The following ZMYM6 variants were observed in gnomAD, a reference collection of about 807,000 sequenced individuals.
ZMYM6 encodes zinc finger MYM-type containing 6.
Under a neutral mutation model 134.0 loss-of-function variants are expected in ZMYM6, and 90 were observed. The ratio of observed to expected loss-of-function variants is 0.67; its 90% CI spans 0.57 to 0.80. ZMYM6 has a LOEUF of 0.80. ZMYM6 is among the 30% of genes least tolerant of loss of function. ZMYM6 has a pLI of 0.00. For missense variants in ZMYM6, 1,362 were observed against 1,533.9 expected (o/e 0.89, Z 1.87); for synonymous variants, 481 against 524.1 (o/e 0.92, Z 1.12).
chr1:35,014,079 T>C (rs1641139806), intron 6 of ZMYM6, among the ~76,000 whole-genome samples: 1 of 152,250 alleles, frequency 6.6e-6, no homozygotes, highest in African/African-American at 2.4e-5. Flanking sequence ...GTAACCGGCT[T>C]AATCCATTAT....
chr1:34,996,512 C>T (rs1640787022), intron 14 of ZMYM6, among the ~76,000 whole-genome samples: 1 of 152,106 alleles, frequency 6.6e-6, no homozygotes. Context: ...TAGAGGCAAC[C>T]ACTATTACCC....
chr1:35,013,278 A>G, intron 6 of ZMYM6: 1 of 825,186 alleles, frequency 1.2e-6, no homozygotes, highest in East Asian at 1.2e-4. Flanking sequence ...AGATGAGCAG[A>G]AGAAGTAGGA....
Position 35,018,989 on chromosome 1 carries a change from T to C in ZMYM6, c.428+364A>G, listed in dbSNP as rs1641255319. 1.6e-5 allele frequency: 5 copies of C among 315,822 alleles called. No individual in the cohort carries two copies. In the South Asian group the frequency reaches 4.6e-4, roughly 29 times the overall value. 19.6% of individuals were successfully genotyped at this position (315,822 alleles called of 1,614,324 possible). A position where few individuals can be genotyped will look rare whatever the true frequency, so the allele number is the denominator to read the frequency against. ...TTTTTAAAGAATTAAATAGCTTTTG[T>C]ATACTATTAAAAGAGTGATATTATT... is the stretch of plus-strand genomic sequence containing the variant. On this transcript the variant is annotated intron_variant, in intron 4 of 15. Transcript: ENST00000357182.
chr1:35,020,536 GC>G, intron 2 of ZMYM6, 69 bp from the exon 3 acceptor site: 1 of 714,978 alleles, frequency 1.4e-6, no homozygotes, highest in Non-Finnish European at 2.1e-6. Flanking sequence ...AGAAATTCAA[GC>G]AAAAAAAAAT....
At chr1:35,024,693 C>T (rs191359851) in intron 2 of ZMYM6, among the ~76,000 whole-genome samples, 3 of 152,230 alleles carry the variant, frequency 2.0e-5, no homozygotes, top group South Asian at 4.1e-4. Flanking sequence ...CCCTCCATGA[C>T]GTGGCTATTT....
rs1462456352 is a variant in ZMYM6, at chr1:35,009,288, G to T, written c.1493-364C>A. Among the ~76,000 whole-genome samples, 3 of 152,242 alleles carry T rather than the reference G, an allele frequency of 2.0e-5. No homozygotes were observed. In the South Asian group the frequency reaches 6.2e-4, roughly 32 times the overall value. Reference sequence around the variant, plus strand: ...CCAGCTAATTTTTGTATTTTTAGTAGAGATGGCATTTCGCCATGTTGGCCA... The same window carrying T: ...CCAGCTAATTTTTGTATTTTTAGTATAGATGGCATTTCGCCATGTTGGCCA... On this transcript the variant is annotated intron_variant, in intron 10 of 15. Transcript: ENST00000357182.
intron 6 of ZMYM6, among the ~76,000 whole-genome samples, chr1:35,014,373 C>A (rs1054779911): frequency 6.6e-6 from 1 of 152,078 alleles, no homozygotes; most frequent in Non-Finnish European, 1.5e-5. Context: ...GAGGCTGAGG[C>A]GAGTGGATGG....
In ZMYM6 at chr1:34,992,407, G is replaced by C. The variant is rs1039246951; in HGVS notation, c.1993-20C>G. The C allele has an allele frequency of 7.5e-6, 12 of 1,604,414 alleles. No individual in the cohort carries two copies. Among genetic ancestry groups the C allele is most frequent in the Admixed American group, 1.8e-5 (1 of 56,352 alleles). The stretch of plus-strand genomic sequence containing the variant: ...ACTTTCCTAGTTAAAAGCAAATTCA[G>C]AAACCAAAGAAAGATTTTTTTTAGT... On this transcript the variant is annotated intron_variant, in intron 14 of 15. Coordinates refer to ENST00000357182, the MANE Select transcript of ZMYM6 (RefSeq NM_007167.4).
At chr1:35,028,445 C>T (rs1485122689) in intron 2 of ZMYM6, among the ~76,000 whole-genome samples, 1 of 152,058 alleles carries the variant, frequency 6.6e-6, no homozygotes, top group Non-Finnish European at 1.5e-5. Flanking sequence ...AGCGAAAGAA[C>T]TGTCCCAGAA....
At chr1:35,000,799 C>T (rs1640867355) in intron 14 of ZMYM6, among the ~76,000 whole-genome samples, 3 of 151,968 alleles carry the variant, frequency 2.0e-5, no homozygotes, top group Non-Finnish European at 4.4e-5. Context: ...AAAAGGGAGA[C>T]TAACTGGTAG....
At position 35,009,932 on chromosome 1, in the gene ZMYM6, T is replaced by C. The variant is rs201001360; in HGVS notation, c.1492+515A>G. Among the ~76,000 whole-genome samples, 25 of 152,000 alleles carry C rather than the reference T, an allele frequency of 1.6e-4. No homozygotes were observed. The East Asian group carries it at 4.4e-3, about 27-fold the overall frequency. ...GCCTGAGTGACAGGGCAAGACCTTG[T>C]CTCAAAAAAATAAACAAACAAAAAT... On this transcript the variant is annotated intron_variant, in intron 10 of 15. Transcript: ENST00000357182.
At position 35,010,914 on chromosome 1, in the gene ZMYM6, G is replaced by C. The variant is rs200603013; in HGVS notation, c.1185C>G (p.Ala395=). Residue 395 remains alanine, a synonymous_variant, in exon 9 of 16, where the codon GCC becomes GCG. Coordinates refer to ENST00000357182, the MANE Select transcript of ZMYM6 (RefSeq NM_007167.4). ...AGCCACGGATGGAGCTGGGGGAAAC[G>C]GCAGAGGTGTTACCTCCTCCTATTG... ...AVSIGGGNTS[A]VSPSSIRGSA... is the part of the protein sequence containing the mutation. The C allele has an allele frequency of 1.9e-6, 3 of 1,613,256 alleles. No homozygotes were observed. The highest frequency in any genetic ancestry group is 2.5e-6 in the Non-Finnish European group (3 of 1,179,680).
chr1:35,030,541 G>C lies in ZMYM6; in HGVS notation c.93+6C>G. ...TTAAATTTTTAAATGAAGATGAAAT[G>C]CTTACTTGAGCATTGTCTGGTTCTT... is the stretch of plus-strand genomic sequence containing the variant. On this transcript the variant is annotated splice_donor_region_variant and intron_variant, in intron 2 of 15. Transcript: ENST00000357182. 6.3e-7 allele frequency: 1 copy of C among 1,597,932 alleles called. No individual in the cohort carries two copies. Among genetic ancestry groups the C allele is most frequent in the Non-Finnish European group, 8.5e-7 (1 of 1,176,714 alleles).
chr1:35,015,736 A>AAAAAAAAAG (rs1557580621), intron 4 of ZMYM6, among the ~76,000 whole-genome samples: 2 of 134,266 alleles, frequency 1.5e-5, no homozygotes, highest in African/African-American at 6.9e-5. Flanking sequence ...AAAAAAAAAA[A>AAAAAAAAAG]AAAAAAAATA....
chr1:34,996,007 T>C (rs982261919), intron 14 of ZMYM6, among the ~76,000 whole-genome samples: 24 of 152,212 alleles, frequency 1.6e-4, no homozygotes, highest in African/African-American at 4.8e-4. Context: ...CTGATGAACA[T>C]ATCTAGGATG....
At chr1:35,023,932 A>C (rs1019282959) in intron 2 of ZMYM6, among the ~76,000 whole-genome samples, 2 of 152,114 alleles carry the variant, frequency 1.3e-5, no homozygotes, top group African/African-American at 4.8e-5. Context: ...AGATTCAATA[A>C]AAATTTCTTT....
chr1:34,997,414 C>T (rs945872402), intron 14 of ZMYM6, among the ~76,000 whole-genome samples: 1 of 152,184 alleles, frequency 6.6e-6, no homozygotes, highest in Non-Finnish European at 1.5e-5. Flanking sequence ...AGCAATTCCT[C>T]GTGCCTTAGC....
At position 34,988,086 on chromosome 1, in the gene ZMYM6, T is replaced by C. The variant is rs754877635; in HGVS notation, c.2996A>G (p.Glu999Gly). ...RYSGLKAKIQ[E>G]VAMNTAAFTH... is the part of the protein sequence containing the mutation. ...AAATGCCGCTGTATTCATGGCAACT[T>C]CTTGAATTTTTGCTTTTAAACCAGA... Residue 999 changes from glutamate to glycine, a missense_variant, in exon 16 of 16, where the codon GAA becomes GGA. Glu to Gly is a moderately conservative substitution (Grantham distance 98, BLOSUM62 -2). Around this residue, in one of 3 missense-constraint regions of ZMYM6, gnomAD observed 824 missense variants for 940.9 expected, o/e 0.88. Coordinates refer to ENST00000357182, the MANE Select transcript of ZMYM6 (RefSeq NM_007167.4). The C allele has an allele frequency of 9.8e-5, 152 of 1,551,386 alleles. 1 individual carries two copies. Among genetic ancestry groups the C allele is most frequent in the Non-Finnish European group, 1.2e-4 (136 of 1,146,990 alleles).
At chr1:35,009,787 T>A (rs1294929825) in intron 10 of ZMYM6, among the ~76,000 whole-genome samples, 1 of 151,676 alleles carries the variant, frequency 6.6e-6, no homozygotes, top group Non-Finnish European at 1.5e-5. Context: ...ATAAAAAAAA[T>A]TAGCCAGGCA....
Sources: gnomAD v4.1 joint callset for allele counts (sites outside exome capture counted in the v4.1 genomes callset) on GRCh38, gnomAD v4.1.1 for gene constraint, gnomAD v4.1.1 regional missense constraint, MANE v1.5 for transcripts, NCBI Gene and HGNC (gene_info 2026-07-23, HGNC 2026-07-21) for gene names.